Variants in CCSER1 observed in about 807,000 individuals in gnomAD.
CCSER1 encodes the protein serine-rich coiled-coil domain-containing protein 1.
In CCSER1, 41 loss-of-function variants were observed where a neutral mutation model predicts 82.0. The ratio of observed to expected loss-of-function variants is 0.50; its 90% confidence interval spans 0.39 to 0.65. The LOEUF (loss-of-function observed/expected upper bound fraction) is 0.65. CCSER1 is among the 30% of genes least tolerant of loss of function. The pLI, the probability that CCSER1 is intolerant of heterozygous loss-of-function variation, is 0.00. For missense variants in CCSER1, 1,119 were observed against 1,064.2 expected (o/e 1.05, Z -0.72); for synonymous variants, 414 against 383.9 (o/e 1.08, Z -0.92).
chr4:91,458,977 G>A (rs1756351929), intron 10 of CCSER1, among the ~76,000 whole-genome samples: 1 of 151,990 alleles, frequency 6.6e-6, no homozygotes, highest in Non-Finnish European at 1.5e-5. Context: ...TTGAACAAAT[G>A]TAGGAACAAA....
intron 10 of CCSER1, among the ~76,000 whole-genome samples, chr4:91,253,077 A>G (rs538905852): frequency 1.4e-4 from 21 of 151,582 alleles, no homozygotes; most frequent in African/African-American, 4.8e-4. Flanking sequence ...CTTGAACTGC[A>G]TGGGTTCACT....
chr4:90,477,514 G>T (rs929589297), intron 5 of CCSER1, among the ~76,000 whole-genome samples: 6 of 152,172 alleles, frequency 3.9e-5, no homozygotes, highest in Non-Finnish European at 7.4e-5. Context: ...TTGGGCATAA[G>T]AATAAGGGAT....
intron 10 of CCSER1, among the ~76,000 whole-genome samples, chr4:91,266,496 C>A (rs1741600052): frequency 6.6e-6 from 1 of 152,008 alleles, no homozygotes; most frequent in Admixed American, 6.5e-5. Context: ...CGTGATCTGC[C>A]CACCTCGGCC....
chr4:91,525,557 A>G (rs181382798), intron 10 of CCSER1, among the ~76,000 whole-genome samples: 71 of 152,244 alleles, frequency 4.7e-4, no homozygotes, highest in African/African-American at 1.7e-3. Context: ...AGTGTACACT[A>G]TGTCTCAGTA....
At position 90,131,292 on chromosome 4, in the gene CCSER1, C is replaced by T. The variant is rs141158271; in HGVS notation, c.-42+3461C>T. On this transcript the variant is annotated intron_variant, in intron 1 of 10. Transcript: ENST00000509176. Reference sequence around the variant, plus strand: ...CTGGGGTAACAGGCGTGAGCTACCACGCCTGGCTTATATTGCCTTTTAATA... The same window carrying T: ...CTGGGGTAACAGGCGTGAGCTACCATGCCTGGCTTATATTGCCTTTTAATA... Among the ~76,000 whole-genome samples the T allele has an allele frequency of 6.9e-3, 1,058 of 152,352 alleles. 10 individuals carry two copies. Among genetic ancestry groups the T allele is most frequent in the African/African-American group, 0.022 (925 of 41,584 alleles).
chr4:91,259,592 GC>G (rs1038470211), intron 10 of CCSER1, among the ~76,000 whole-genome samples: 11 of 137,538 alleles, frequency 8.0e-5, no homozygotes, highest in African/African-American at 1.7e-4. Flanking sequence ...CCCTCCCCTA[GC>G]CCCCCACCCT....
At chr4:91,077,635 G>C (rs1722146469) in intron 9 of CCSER1, among the ~76,000 whole-genome samples, 1 of 152,202 alleles carries the variant, frequency 6.6e-6, no homozygotes, top group East Asian at 1.9e-4. Context: ...AGCCCACAGA[G>C]CAGGGTGGGG....
In CCSER1 at chr4:90,567,307, A is replaced by ATTT. The variant is rs34947960; in HGVS notation, c.1725-60704_1725-60702dup. Among the ~76,000 whole-genome samples, 786 of 138,728 alleles carry ATTT rather than the reference A, an allele frequency of 5.7e-3. 11 individuals are homozygous for ATTT. Among genetic ancestry groups the ATTT allele is most frequent in the African/African-American group, 0.017 (664 of 38,364 alleles). 91.0% of individuals were successfully genotyped at this position (138,728 alleles called of 152,430 possible). A position where few individuals can be genotyped will look rare whatever the true frequency, so the allele number is the denominator to read the frequency against. ...TGTTTCCATTTTCTTTTGTCTCTGG[A>ATTT]TTTTTTTTTTTTTTTTGACGGAGCC... On this transcript the variant is annotated intron_variant, in intron 5 of 10. Transcript: ENST00000509176.
In CCSER1 at chr4:91,297,381, GTGTA is replaced by G. The variant is rs145852255; in HGVS notation, c.2217+211391_2217+211394del. 7.2e-3 allele frequency among the ~76,000 whole-genome samples: 693 copies of G among 96,074 alleles called. 7 individuals are homozygous for G. Among genetic ancestry groups the G allele is most frequent in the African/African-American group, 0.029 (571 of 19,976 alleles). The allele number at this position is 96,074 out of a possible 152,430, so 63.0% of individuals were successfully genotyped here. On this transcript the variant is annotated intron_variant, in intron 10 of 10. Transcript: ENST00000509176. ...AATGGATGCTTGTGTGTGTGTGTGT[GTGTA>G]TGTGTGTGTGTGTGTGTGTGTGTGT...
intron 10 of CCSER1, among the ~76,000 whole-genome samples, chr4:91,459,394 T>C (rs1224323298): frequency 1.3e-5 from 2 of 152,064 alleles, no homozygotes; most frequent in African/African-American, 2.4e-5. Context: ...TGGGAGCAGA[T>C]GGATACAAAT....
At chr4:90,537,416 T>A (rs1284614455) in intron 5 of CCSER1, among the ~76,000 whole-genome samples, 2 of 152,154 alleles carry the variant, frequency 1.3e-5, no homozygotes, top group African/African-American at 2.4e-5. Context: ...TTTTATAATG[T>A]ATTCTTCATT....
chr4:90,278,179 G>A lies in CCSER1; in HGVS notation c.-41-30065G>A, dbSNP rs904980497. On this transcript the variant is annotated intron_variant, in intron 1 of 10. Coordinates refer to ENST00000509176, the MANE Select transcript of CCSER1 (RefSeq NM_001145065.2). ...GCTTCTGTTGAAAAGTCAAAAAATG[G>A]CAGATGTTGATGAAGATGCAGAGAA... 6.6e-5 allele frequency among the ~76,000 whole-genome samples: 10 copies of A among 152,048 alleles called. No homozygotes were observed. In the East Asian group the frequency reaches 1.6e-3, roughly 24 times the overall value.
At chr4:91,527,715 T>A (rs1760833752) in intron 10 of CCSER1, among the ~76,000 whole-genome samples, 1 of 151,984 alleles carries the variant, frequency 6.6e-6, no homozygotes, top group African/African-American at 2.4e-5. Flanking sequence ...ATGTTTAGTA[T>A]GAGGTATATA....
chr4:91,332,368 A>G (rs1391369691), intron 10 of CCSER1, among the ~76,000 whole-genome samples: 1 of 151,872 alleles, frequency 6.6e-6, no homozygotes, highest in African/African-American at 2.4e-5. Context: ...GGGAAAATAG[A>G]TCAAAGTGGA....
At chr4:90,975,294 T>C (rs1735506620) in intron 9 of CCSER1, among the ~76,000 whole-genome samples, 1 of 151,236 alleles carries the variant, frequency 6.6e-6, no homozygotes, top group African/African-American at 2.4e-5. Flanking sequence ...ATAGCGGTTA[T>C]GTTGAACAAT....
rs142134746 is a variant in CCSER1, at chr4:91,316,305, C to T, written c.2217+230311C>T. Among the ~76,000 whole-genome samples, 82 of 152,022 alleles carry T rather than the reference C, an allele frequency of 5.4e-4. 1 individual carries two copies. The highest frequency in any genetic ancestry group is 1.9e-3 in the African/African-American group (78 of 41,524). On this transcript the variant is annotated intron_variant, in intron 10 of 10. Transcript: ENST00000509176. Reference sequence around the variant, plus strand: ...CATTTATATTAGTAAATTCAAAGAACATGGAACAATGCCTGGTACATCATG... The same window carrying T: ...CATTTATATTAGTAAATTCAAAGAATATGGAACAATGCCTGGTACATCATG...
intron 9 of CCSER1, among the ~76,000 whole-genome samples, chr4:90,944,803 T>A (rs1287450128): frequency 1.3e-5 from 2 of 152,168 alleles, no homozygotes; most frequent in Non-Finnish European, 2.9e-5. Context: ...TTGACAGAGA[T>A]TAGAAGTTAC....
rs902486432 is a variant in CCSER1, at chr4:90,209,330, A to G, written c.-42+81499A>G. ...GATTTGCCCTTGGAGCATTCTGTGT[A>G]CTACTATCATTGGTAGGGATCTGGG... On this transcript the variant is annotated intron_variant, in intron 1 of 10. Transcript: ENST00000509176. 2.0e-5 allele frequency among the ~76,000 whole-genome samples: 3 copies of G among 152,166 alleles called. No individual in the cohort carries two copies. In the East Asian group the frequency reaches 5.8e-4, roughly 29 times the overall value.
At chr4:90,609,996 T>G (rs921896077) in intron 5 of CCSER1, among the ~76,000 whole-genome samples, 2 of 152,158 alleles carry the variant, frequency 1.3e-5, no homozygotes. Context: ...CTCATGCCTG[T>G]AATCCCAGCA....
Sources: gnomAD v4.1 joint callset for allele counts (sites outside exome capture counted in the v4.1 genomes callset) on GRCh38, gnomAD v4.1.1 for gene constraint, MANE v1.5 for transcripts, NCBI Gene and HGNC (gene_info 2026-07-23, HGNC 2026-07-21) for gene names.